Variants in DBR1 observed in about 807,000 individuals in gnomAD.
DBR1 encodes debranching RNA lariats 1, also known as lariat debranching enzyme.
In DBR1, 33 loss-of-function variants were observed where a neutral mutation model predicts 45.9. The ratio of observed to expected loss-of-function variants is 0.72; its 90% CI spans 0.55 to 0.96. DBR1 has a LOEUF of 0.96. Ranked by LOEUF, DBR1 falls within the 40% of genes least tolerant of loss-of-function variation. The probability of loss-of-function intolerance (pLI) is 0.00; values close to 1 mark genes in which losing one functional copy is unlikely to be tolerated. For synonymous variants in DBR1, 235 were observed against 235.9 expected, an observed-to-expected ratio of 1.00 and a Z score of 0.04; for missense variants, 619 against 667.4, an observed-to-expected ratio of 0.93 and a Z score of 0.80.
In DBR1 at chr3:138,170,120, T is replaced by C; in HGVS notation, c.476A>G (p.Tyr159Cys). The change falls in exon 4 of 8, where the codon TAT (tyrosine) becomes TGT (cysteine). Residue 159 changes from tyrosine to cysteine, a missense_variant. Around this residue, in one of 3 missense-constraint regions of DBR1, gnomAD observed 430 missense variants for 447.7 expected, o/e 0.96. Transcript: ENST00000260803. ...CTTTTTACGTACCTGTTTTAATTTATAGACTTCAATATTTCTCACATGATA... is the reference window on the plus strand; with the variant it reads ...CTTTTTACGTACCTGTTTTAATTTACAGACTTCAATATTTCTCACATGATA... ...SIYHVRNIEV[Y>C]KLKQLKQPID... The C allele has an allele frequency of 1.3e-6, 2 of 1,581,886 alleles. No homozygotes were observed. Among genetic ancestry groups the C allele is most frequent in the South Asian group, 1.1e-5 (1 of 88,620 alleles).
chr3:138,168,764 C>A (rs1041316309), intron 4 of DBR1, among the ~76,000 whole-genome samples: 1 of 151,988 alleles, frequency 6.6e-6, no homozygotes, highest in African/African-American at 2.4e-5. Flanking sequence ...TGAGACCAGC[C>A]TGGGCAACAT....
At chr3:138,172,456 G>A (rs192925927) in intron 2 of DBR1, among the ~76,000 whole-genome samples, 5 of 152,116 alleles carry the variant, frequency 3.3e-5, no homozygotes, top group African/African-American at 9.7e-5. Context: ...TTAGCCGGGC[G>A]TGGTGGTACA....
At position 138,171,865 on chromosome 3, in the gene DBR1, T is replaced by C; in HGVS notation, c.323-152A>G. On this transcript the variant is annotated intron_variant, in intron 2 of 7. Transcript: ENST00000260803. ...AGGTTATGCTTTTTACATAATAATA[T>C]GCCAACAGTGTATTAGGGATATATT... The C allele has an allele frequency of 4.7e-6, 3 of 639,020 alleles. No individual in the cohort carries two copies. In the South Asian group the frequency reaches 6.0e-5, roughly 13 times the overall value. The allele number at this position is 639,020 out of a possible 1,614,324, so 39.6% of individuals were successfully genotyped here. A position where few individuals can be genotyped will look rare whatever the true frequency, so the allele number is the denominator to read the frequency against.
chr3:138,174,538 T>A (rs911757284), intron 1 of DBR1, 61 bp downstream of exon 1: 2 of 1,492,020 alleles, frequency 1.3e-6, no homozygotes, highest in Non-Finnish European at 1.8e-6. Context: ...AGGCAGCCAG[T>A]GGCAGAGGGA....
At chr3:138,162,659 T>A in intron 7 of DBR1, 77 bp from the exon 8 acceptor site, 1 of 1,253,620 alleles carries the variant, frequency 8.0e-7, no homozygotes, top group Non-Finnish European at 1.1e-6. Flanking sequence ...ATTACAGACT[T>A]CAGGTGCAAG....
At chr3:138,174,025 A>G (rs1031125863) in intron 1 of DBR1, among the ~76,000 whole-genome samples, 2 of 20,388 alleles carry the variant, frequency 9.8e-5, no homozygotes, top group Non-Finnish European at 1.4e-4. Flanking sequence ...TGTCTCAAGA[A>G]AAAAAAAAAA....
chr3:138,171,475 C>CAAAAAA (rs906867666), intron 3 of DBR1, 158 bp downstream of exon 3: 23 of 69,564 alleles, frequency 3.3e-4, no homozygotes, highest in African/African-American at 5.2e-4. Context: ...AACTCTGTCT[C>CAAAAAA]AAAAAAAAAA....
chr3:138,169,591 G>A (rs548142344), intron 4 of DBR1, among the ~76,000 whole-genome samples: 1 of 152,078 alleles, frequency 6.6e-6, no homozygotes, highest in South Asian at 2.1e-4. Flanking sequence ...TTGAAATCAT[G>A]AATTAAATCT....
At chr3:138,174,400 T>C (rs1454869155) in intron 1 of DBR1, among the ~76,000 whole-genome samples, 199 bp downstream of exon 1, 1 of 152,220 alleles carries the variant, frequency 6.6e-6, no homozygotes, top group Non-Finnish European at 1.5e-5. Flanking sequence ...GAAACTGACA[T>C]AATTTGGTAC....
chr3:138,161,569 G>C lies in DBR1; in HGVS notation c.*320C>G. ...ACTAAGACAAGTAAATTGTCGGCCA[G>C]GCACAGTGGCTCACGCCTGTAATCC... On this transcript the variant is annotated 3_prime_UTR_variant, in exon 8 of 8. Coordinates refer to ENST00000260803, the MANE Select transcript of DBR1 (RefSeq NM_016216.4). 1 of 241,270 alleles carries C rather than the reference G, an allele frequency of 4.1e-6. No individual in the cohort carries two copies. 14.9% of individuals were successfully genotyped at this position (241,270 alleles called of 1,614,324 possible). A position where few individuals can be genotyped will look rare whatever the true frequency, so the allele number is the denominator to read the frequency against.
Position 138,173,493 on chromosome 3 carries a change from A to G in DBR1, c.322+9T>C, listed in dbSNP as rs2042964371. 1 of 1,613,318 alleles carries G rather than the reference A, an allele frequency of 6.2e-7. No individual in the cohort carries two copies. Among genetic ancestry groups the G allele is most frequent in the Admixed American group, 1.7e-5 (1 of 59,938 alleles). ...GGAAAAAAAAGTATCCACAAACACA[A>G]TCACATACCTAAATAATAAATGTTT... On this transcript the variant is annotated intron_variant, in intron 2 of 7. Coordinates refer to ENST00000260803, the MANE Select transcript of DBR1 (RefSeq NM_016216.4).
In DBR1 at chr3:138,161,676, T is replaced by A. The variant is rs1164611396; in HGVS notation, c.*213A>T. 1 of 479,714 alleles carries A rather than the reference T, an allele frequency of 2.1e-6. No individual in the cohort carries two copies. The highest frequency in any genetic ancestry group is 3.8e-6 in the Non-Finnish European group (1 of 262,904). The allele number at this position is 479,714 out of a possible 1,614,324, so 29.7% of individuals were successfully genotyped here. ...GCCTGGCCAACACGGTGAAACCCTG[T>A]CATTACTAAAAATGCAAAAATTAGC... On this transcript the variant is annotated 3_prime_UTR_variant, in exon 8 of 8. Coordinates refer to ENST00000260803, the MANE Select transcript of DBR1 (RefSeq NM_016216.4).
chr3:138,161,749 G>A lies in DBR1; in HGVS notation c.*140C>T. 2 of 672,290 alleles carry A rather than the reference G, an allele frequency of 3.0e-6. No homozygotes were observed. Among genetic ancestry groups the A allele is most frequent in the East Asian group, 5.5e-5 (2 of 36,096 alleles). 41.6% of individuals were successfully genotyped at this position (672,290 alleles called of 1,614,324 possible). A position where few individuals can be genotyped will look rare whatever the true frequency, so the allele number is the denominator to read the frequency against. The stretch of plus-strand genomic sequence containing the variant: ...TAGTCCCACCTACTTGGGAGGCTGA[G>A]GCAGGAGAATTGCTTGAACCTGGGA... On this transcript the variant is annotated 3_prime_UTR_variant, in exon 8 of 8. Coordinates refer to ENST00000260803, the MANE Select transcript of DBR1 (RefSeq NM_016216.4).
chr3:138,169,562 GC>G (rs1485585247), intron 4 of DBR1, among the ~76,000 whole-genome samples: 4 of 151,316 alleles, frequency 2.6e-5, no homozygotes, highest in Admixed American at 2.6e-4. Flanking sequence ...GTATTCTTTA[GC>G]CTTAACCTAA....
rs1425904628 is a variant in DBR1, at chr3:138,162,538, T to C, written c.986A>G (p.Glu329Gly). The C allele has an allele frequency of 6.2e-6, 10 of 1,612,990 alleles. No homozygotes were observed. The East Asian group carries it at 2.0e-4, about 32-fold the overall frequency. The change falls in exon 8 of 8, where the codon GAA (glutamate) becomes GGA (glycine). Residue 329 changes from glutamate (E) to glycine (G), a missense_variant. Coordinates refer to ENST00000260803, the MANE Select transcript of DBR1 (RefSeq NM_016216.4). ...ATEEGMKEVL[E>G]KLNHDLKVPC... Reference sequence around the variant, plus strand: ...AACCTTGAGATCATGATTCAATTTTTCCAATACTTCTTTCATACCTTCTTC... The same window carrying C: ...AACCTTGAGATCATGATTCAATTTTCCCAATACTTCTTTCATACCTTCTTC...
rs372233395 is a variant in DBR1, at chr3:138,173,489, C to T, written c.322+13G>A. On this transcript the variant is annotated intron_variant, in intron 2 of 7. Coordinates refer to ENST00000260803, the MANE Select transcript of DBR1 (RefSeq NM_016216.4). The stretch of plus-strand genomic sequence containing the variant: ...CCCAGGAAAAAAAAGTATCCACAAA[C>T]ACAATCACATACCTAAATAATAAAT... 1.3e-5 allele frequency: 21 copies of T among 1,612,900 alleles called. No homozygotes were observed. In the African/African-American group the frequency reaches 1.7e-4, roughly 13 times the overall value.
intron 6 of DBR1, 28 bp downstream of exon 6, chr3:138,163,750 T>C: frequency 1.3e-6 from 2 of 1,535,928 alleles, no homozygotes; most frequent in Non-Finnish European, 1.8e-6. Flanking sequence ...AGTACAACTA[T>C]ATTATAAAGC....
At position 138,170,196 on chromosome 3, in the gene DBR1, A is replaced by G; in HGVS notation, c.404-4T>C. On this transcript the variant is annotated splice_region_variant and splice_polypyrimidine_tract_variant and intron_variant, in intron 3 of 7. Coordinates refer to ENST00000260803, the MANE Select transcript of DBR1 (RefSeq NM_016216.4). ...TAAGGGGGGCACTCAAAATGACCTT[A>G]GATTGAAGCAGAAAAATAAGCTATA... The G allele has an allele frequency of 6.5e-7, 1 of 1,541,366 alleles. No individual in the cohort carries two copies. Among genetic ancestry groups the G allele is most frequent in the South Asian group, 1.2e-5 (1 of 85,908 alleles).
intron 3 of DBR1, chr3:138,171,325 A>T (rs1176774305): frequency 1.0e-5 from 2 of 192,250 alleles, no homozygotes; most frequent in African/African-American, 4.8e-5. Flanking sequence ...ATACAAAAAA[A>T]TTAGCCGGGC....
Sources: allele counts gnomAD v4.1 joint callset (sites outside exome capture counted in the v4.1 genomes callset), GRCh38; gene constraint gnomAD v4.1.1; regional missense constraint gnomAD v4.1.1; transcripts MANE v1.5; gene names NCBI Gene and HGNC (gene_info 2026-07-23, HGNC 2026-07-21).